The following TENT4B variants were observed in gnomAD, a reference collection of about 807,000 sequenced individuals.
TENT4B encodes PAP associated domain containing 5.
In TENT4B, 10 loss-of-function variants were observed where a neutral mutation model predicts 75.0. That is an observed-to-expected ratio of 0.13 (90% confidence interval 0.08 to 0.23). The LOEUF is 0.23. Among genes scored for constraint, TENT4B ranks in the 10% least tolerant of loss-of-function variants. The pLI is 1.00. For missense variants in TENT4B, 579 were observed against 893.8 expected (o/e 0.65, Z 4.49); for synonymous variants, 350 against 357.7 (o/e 0.98, Z 0.24).
chr16:50,211,315 T>G lies in TENT4B; in HGVS notation c.639-8T>G, dbSNP rs576542156. 39 of 1,604,714 alleles carry G rather than the reference T, an allele frequency of 2.4e-5. 1 individual carries two copies. The South Asian group carries it at 2.9e-4, about 12-fold the overall frequency. ...TGTTCATATTAACTTTTCTGTTTTT[T>G]TCTTCAGTCTGCATGAAGAAATCAG... On this transcript the variant is annotated splice_region_variant and splice_polypyrimidine_tract_variant and intron_variant, in intron 1 of 11. Coordinates refer to ENST00000561678, the MANE Select transcript of TENT4B (RefSeq NM_001365324.3).
intron 1 of TENT4B, among the ~76,000 whole-genome samples, chr16:50,175,762 G>C (rs537018238): frequency 6.6e-6 from 1 of 152,080 alleles, no homozygotes; most frequent in South Asian, 2.1e-4. Context: ...GAGCCACCAC[G>C]TCCGGCCAGT....
Position 50,217,620 on chromosome 16 carries a change from A to G in TENT4B, c.995A>G (p.Gln332Arg), listed in dbSNP as rs2150740701. 5.2e-6 allele frequency: 8 copies of G among 1,537,496 alleles called. No homozygotes were observed. The highest frequency in any genetic ancestry group is 7.0e-6 in the Non-Finnish European group (8 of 1,144,102). Residue 332 changes from glutamine to arginine, a missense_variant, in exon 5 of 12, where the codon CAG (glutamine) becomes CGG (arginine). Coordinates refer to ENST00000561678, the MANE Select transcript of TENT4B (RefSeq NM_001365324.3). Reference sequence around the variant, plus strand: ...AAAGTTGATATCAGCTTTAATGTACAGAATGGCGTGAGAGCAGCTGACCTC... The same window carrying G: ...AAAGTTGATATCAGCTTTAATGTACGGAATGGCGTGAGAGCAGCTGACCTC... The part of the protein sequence containing the change: ...EVKVDISFNV[Q>R]NGVRAADLIK...
rs4624170 is a variant in TENT4B at position 50,227,824 on chromosome 16, C to T, written c.1801-15C>T. 1,613,692 of 1,613,716 alleles carry T rather than the reference C, an allele frequency of 1. 806,834 individuals carry two copies. The highest frequency in any genetic ancestry group is 1 in the Middle Eastern group (6,060 of 6,060). Reference sequence around the variant, plus strand: ...TACTAATATGTCACATTATAACTCACGTGACTTGTGTTAGGATTCCGATGC... The same window carrying T: ...TACTAATATGTCACATTATAACTCATGTGACTTGTGTTAGGATTCCGATGC... On this transcript the variant is annotated splice_polypyrimidine_tract_variant and intron_variant, in intron 10 of 11. Coordinates refer to ENST00000561678, the MANE Select transcript of TENT4B (RefSeq NM_001365324.3).
At chr16:50,228,146 A>G in intron 11 of TENT4B, 143 bp downstream of exon 11, 1 of 1,033,424 alleles carries the variant, frequency 9.7e-7, no homozygotes, top group Non-Finnish European at 1.4e-6. Context: ...GTTCCAACAC[A>G]TGACAGTGCT....
Position 50,217,654 on chromosome 16 carries a change from T to A in TENT4B, c.1029T>A (p.Asp343Glu). The change falls in exon 5 of 12, where the codon GAT becomes GAA. Residue 343 changes from aspartate (D) to glutamate (E), a missense_variant. Coordinates refer to ENST00000561678, the MANE Select transcript of TENT4B (RefSeq NM_001365324.3). ...NGVRAADLIK[D>E]FTKKYPVLPY... ...TGAGAGCAGCTGACCTCATCAAAGA[T>A]TTTACCAAGGTCAGAGAATTTAGCG... 6.6e-7 allele frequency: 1 copy of A among 1,521,186 alleles called. No homozygotes were observed. Among genetic ancestry groups the A allele is most frequent in the Non-Finnish European group, 8.8e-7 (1 of 1,134,946 alleles). 94.2% of individuals were successfully genotyped at this position (1,521,186 alleles called of 1,614,324 possible).
intron 1 of TENT4B, among the ~76,000 whole-genome samples, chr16:50,192,822 C>T (rs1265280916): frequency 6.6e-6 from 1 of 152,132 alleles, no homozygotes; most frequent in Non-Finnish European, 1.5e-5. Flanking sequence ...CGTGGTGGCT[C>T]ATGCTTGTAA....
At chr16:50,155,453 G>A (rs1367677943) in intron 1 of TENT4B, among the ~76,000 whole-genome samples, 2 of 152,082 alleles carry the variant, frequency 1.3e-5, no homozygotes, top group Non-Finnish European at 2.9e-5. Flanking sequence ...ATTCAGATCT[G>A]CCCTGCTTTG....
At chr16:50,159,447 T>G (rs1386853030) in intron 1 of TENT4B, among the ~76,000 whole-genome samples, 1 of 151,822 alleles carries the variant, frequency 6.6e-6, no homozygotes, top group Non-Finnish European at 1.5e-5. Flanking sequence ...TCCATGTTGG[T>G]CAGGCTGGTG....
At chr16:50,206,702 A>G (rs1596722557) in intron 1 of TENT4B, among the ~76,000 whole-genome samples, 2 of 151,764 alleles carry the variant, frequency 1.3e-5, no homozygotes, top group South Asian at 4.2e-4. Context: ...GGAGCTTTCC[A>G]CCTTGCCTTT....
At chr16:50,219,126 T>C (rs957202335) in intron 5 of TENT4B, among the ~76,000 whole-genome samples, 8 of 152,168 alleles carry the variant, frequency 5.3e-5, no homozygotes, top group African/African-American at 1.9e-4. Flanking sequence ...AATATTTTCT[T>C]TTTCTGGAAA....
intron 11 of TENT4B, among the ~76,000 whole-genome samples, chr16:50,228,391 G>A (rs1415636196): frequency 1.3e-5 from 2 of 152,194 alleles, no homozygotes; most frequent in Non-Finnish European, 2.9e-5. Context: ...CTTGTTGCTG[G>A]TGTTGAAATG....
At chr16:50,221,194 T>C (rs1407222913) in intron 5 of TENT4B, among the ~76,000 whole-genome samples, 4 of 152,152 alleles carry the variant, frequency 2.6e-5, no homozygotes, top group Admixed American at 2.6e-4. Flanking sequence ...AGCTGGAGAT[T>C]GCAATGAGCC....
chr16:50,191,507 C>T (rs2038638252), intron 1 of TENT4B, among the ~76,000 whole-genome samples: 1 of 152,160 alleles, frequency 6.6e-6, no homozygotes, highest in Non-Finnish European at 1.5e-5. Context: ...CTCCTGGGCT[C>T]AAGCAGTCCT....
At chr16:50,210,629 T>TTTGG (rs1364265129) in intron 1 of TENT4B, among the ~76,000 whole-genome samples, 7 of 152,212 alleles carry the variant, frequency 4.6e-5, no homozygotes. Flanking sequence ...GTCAGTCTCT[T>TTTGG]TTGGTCCCTC....
chr16:50,186,853 T>G (rs963306305), intron 1 of TENT4B, among the ~76,000 whole-genome samples: 5 of 152,224 alleles, frequency 3.3e-5, no homozygotes, highest in African/African-American at 1.2e-4. Context: ...GTGCTAGGAT[T>G]GTAGGCGTGG....
chr16:50,229,512 AAAAC>A lies in TENT4B; in HGVS notation c.*188_*191del. 1 of 1,250,790 alleles carries A rather than the reference AAAAC, an allele frequency of 8.0e-7. No individual in the cohort carries two copies. The highest frequency in any genetic ancestry group is 3.5e-5 in the South Asian group (1 of 28,306). The allele number at this position is 1,250,790 out of a possible 1,614,324, so 77.5% of individuals were successfully genotyped here. On this transcript the variant is annotated 3_prime_UTR_variant, in exon 12 of 12. Coordinates refer to ENST00000561678, the MANE Select transcript of TENT4B (RefSeq NM_001365324.3). ...CTGACAACTGCAAAAAAAACAAAAC[AAAAC>A]AAAAAAAAAAGCAAGCAAAAAAGAG...
intron 1 of TENT4B, among the ~76,000 whole-genome samples, chr16:50,177,264 A>G (rs990398162): frequency 4.6e-5 from 7 of 151,958 alleles, no homozygotes; most frequent in African/African-American, 1.2e-4. Context: ...TGTCCTCCCA[A>G]TGTGCTGGGA....
At chr16:50,221,034 C>G (rs561978216) in intron 5 of TENT4B, among the ~76,000 whole-genome samples, 10 of 152,188 alleles carry the variant, frequency 6.6e-5, no homozygotes, top group African/African-American at 2.4e-4. Flanking sequence ...CACCTGTAAT[C>G]CCAACACTTT....
At chr16:50,156,609 A>G (rs1369908631) in intron 1 of TENT4B, among the ~76,000 whole-genome samples, 1 of 151,898 alleles carries the variant, frequency 6.6e-6, no homozygotes, top group Non-Finnish European at 1.5e-5. Flanking sequence ...CTCCCAAAGG[A>G]CTGGGATTAC....
Sources: allele counts gnomAD v4.1 joint callset (sites outside exome capture counted in the v4.1 genomes callset), GRCh38; gene constraint gnomAD v4.1.1; transcripts MANE v1.5; gene names NCBI Gene and HGNC (gene_info 2026-07-23, HGNC 2026-07-21).